LRRC4C: variants seen among roughly 807,000 people sequenced by gnomAD.
The protein encoded by LRRC4C is leucine rich repeat containing 4C, also known as leucine-rich repeat-containing protein 4C.
Under a neutral mutation model 33.6 loss-of-function variants are expected in LRRC4C, and 5 were observed. The observed-to-expected ratio is 0.15, with a 90% CI of 0.08 to 0.31. The LOEUF is 0.31. Among genes scored for constraint, LRRC4C ranks in the 10% least tolerant of loss-of-function variants. LRRC4C has a pLI of 1.00. For missense variants in LRRC4C, 560 were observed against 796.7 expected, an observed-to-expected ratio of 0.70 and a Z score of 3.58; for synonymous variants, 329 against 302.0, an observed-to-expected ratio of 1.09 and a Z score of -0.93.
intron 3 of LRRC4C, among the ~76,000 whole-genome samples, chr11:40,348,591 A>C (rs1250729577): frequency 2.6e-5 from 4 of 152,088 alleles, no homozygotes; most frequent in Non-Finnish European, 5.9e-5. Context: ...GGACATTCTC[A>C]TGACCTGCAT....
chr11:41,284,295 C>A (rs141046936), intron 1 of LRRC4C, among the ~76,000 whole-genome samples: 88 of 152,298 alleles, frequency 5.8e-4, no homozygotes, highest in Non-Finnish European at 1.2e-4. Context: ...TGTGAAAGTG[C>A]GTTTTACATA....
intron 3 of LRRC4C, among the ~76,000 whole-genome samples, chr11:40,403,109 T>C (rs1447650129): frequency 6.6e-6 from 1 of 152,106 alleles, no homozygotes; most frequent in African/African-American, 2.4e-5. Flanking sequence ...CTACATATTC[T>C]GGGTGTTATT....
At chr11:41,422,934 C>T (rs1954921640) in intron 1 of LRRC4C, among the ~76,000 whole-genome samples, 1 of 152,048 alleles carries the variant, frequency 6.6e-6, no homozygotes, top group Non-Finnish European at 1.5e-5. Context: ...GCATTTTCTA[C>T]ACTATGCCAT....
intron 1 of LRRC4C, among the ~76,000 whole-genome samples, chr11:41,349,457 A>AAAAAC (rs542244434): frequency 6.6e-5 from 10 of 150,980 alleles, no homozygotes; most frequent in South Asian, 2.1e-4. Flanking sequence ...GCTGGAGGAA[A>AAAAAC]AAAACAAAAC....
At chr11:40,230,722 G>A (rs1865138078) in intron 5 of LRRC4C, among the ~76,000 whole-genome samples, 1 of 152,178 alleles carries the variant, frequency 6.6e-6, no homozygotes, top group Admixed American at 6.6e-5. Flanking sequence ...AGCAATTACT[G>A]ATAATCATTC....
intron 1 of LRRC4C, among the ~76,000 whole-genome samples, chr11:41,145,524 G>T (rs1164644159): frequency 1.7e-5 from 2 of 121,054 alleles, no homozygotes; most frequent in African/African-American, 5.8e-5. Flanking sequence ...GCCTATGGCT[G>T]CTTTTATGCT....
At chr11:41,178,957 TC>T (rs776088107) in intron 1 of LRRC4C, among the ~76,000 whole-genome samples, 4 of 152,102 alleles carry the variant, frequency 2.6e-5, no homozygotes, top group Non-Finnish European at 5.9e-5. Flanking sequence ...CACCTCAGCC[TC>T]CCAAAGTGCT....
At chr11:40,219,473 C>A (rs1189449627) in intron 5 of LRRC4C, among the ~76,000 whole-genome samples, 2 of 152,136 alleles carry the variant, frequency 1.3e-5, no homozygotes, top group Non-Finnish European at 2.9e-5. Context: ...GTACTTAGAA[C>A]AATCCTTGGC....
intron 3 of LRRC4C, among the ~76,000 whole-genome samples, chr11:40,604,891 C>T (rs1361249357): frequency 6.6e-6 from 1 of 152,080 alleles, no homozygotes; most frequent in Non-Finnish European, 1.5e-5. Context: ...ACTATTGCCA[C>T]ATGTGAGAAG....
At position 41,406,706 on chromosome 11, in the gene LRRC4C, C is replaced by CCACACACACACA. The variant is rs112867786; in HGVS notation, c.-496+52713_-496+52724dup. On this transcript the variant is annotated intron_variant, in intron 1 of 6. Coordinates refer to ENST00000528697, the MANE Select transcript of LRRC4C (RefSeq NM_001258419.2). ...CTCTTTCCTCTCCCCTACACATTCA[C>CCACACACACACA]CACACACACACACACACACACACAC... is the stretch of plus-strand genomic sequence containing the variant. Among the ~76,000 whole-genome samples the CCACACACACACA allele has an allele frequency of 3.5e-4, 49 of 138,304 alleles. 1 individual carries two copies. The highest frequency in any genetic ancestry group is 2.2e-3 in the South Asian group (9 of 4,094). 90.7% of individuals were successfully genotyped at this position (138,304 alleles called of 152,430 possible). A position where few individuals can be genotyped will look rare whatever the true frequency, so the allele number is the denominator to read the frequency against.
intron 1 of LRRC4C, among the ~76,000 whole-genome samples, chr11:41,327,397 A>G (rs1031545771): frequency 6.6e-6 from 1 of 152,142 alleles, no homozygotes; most frequent in Non-Finnish European, 1.5e-5. Flanking sequence ...TTAGTGTACC[A>G]ATATGTGATT....
intron 1 of LRRC4C, among the ~76,000 whole-genome samples, chr11:41,333,656 C>T (rs1482000298): frequency 6.6e-6 from 1 of 152,108 alleles, no homozygotes; most frequent in Non-Finnish European, 1.5e-5. Context: ...AGCAAGTGAG[C>T]TAAATGGCCT....
chr11:40,431,802 C>A (rs957107011), intron 3 of LRRC4C, among the ~76,000 whole-genome samples: 2 of 152,172 alleles, frequency 1.3e-5, no homozygotes, highest in African/African-American at 4.8e-5. Context: ...TTTGCAATGA[C>A]ACAAAATTGA....
intron 3 of LRRC4C, among the ~76,000 whole-genome samples, chr11:40,589,171 T>C (rs963026857): frequency 1.3e-5 from 2 of 152,054 alleles, no homozygotes; most frequent in Non-Finnish European, 2.9e-5. Context: ...CTGTATTGGG[T>C]GCATATATAT....
chr11:40,502,918 G>A (rs565167627), intron 3 of LRRC4C, among the ~76,000 whole-genome samples: 2 of 152,100 alleles, frequency 1.3e-5, no homozygotes, highest in African/African-American at 4.8e-5. Context: ...AAGCATTCTC[G>A]CTTTGGCAAA....
At chr11:40,743,591 G>T (rs1432827282) in intron 2 of LRRC4C, among the ~76,000 whole-genome samples, 1 of 152,010 alleles carries the variant, frequency 6.6e-6, no homozygotes, top group Non-Finnish European at 1.5e-5. Flanking sequence ...ATATTCACAG[G>T]TTCTGGGAAT....
intron 3 of LRRC4C, among the ~76,000 whole-genome samples, chr11:40,478,215 T>A (rs1459942222): frequency 6.6e-6 from 1 of 152,202 alleles, no homozygotes; most frequent in Non-Finnish European, 1.5e-5. Flanking sequence ...GTTCTCTTAT[T>A]CCCTATTATC....
chr11:41,286,574 A>G (rs1208305491), intron 1 of LRRC4C, among the ~76,000 whole-genome samples: 4 of 152,096 alleles, frequency 2.6e-5, no homozygotes, highest in Non-Finnish European at 4.4e-5. Flanking sequence ...AGATGGTAAT[A>G]TAATTTTAAG....
At chr11:40,441,115 T>C (rs539952721) in intron 3 of LRRC4C, among the ~76,000 whole-genome samples, 11 of 152,288 alleles carry the variant, frequency 7.2e-5, no homozygotes, top group African/African-American at 2.6e-4. Context: ...TTGGGTTTGA[T>C]GTCAGTGTAG....
Sources: gnomAD v4.1 joint callset for allele counts (sites outside exome capture counted in the v4.1 genomes callset) on GRCh38, gnomAD v4.1.1 for gene constraint, MANE v1.5 for transcripts, NCBI Gene and HGNC (gene_info 2026-07-23, HGNC 2026-07-21) for gene names.